The following AGPAT3 variants were observed in gnomAD, a reference collection of about 807,000 sequenced individuals.
AGPAT3 encodes 1-acyl-sn-glycerol-3-phosphate acyltransferase gamma.
In AGPAT3, 5 loss-of-function variants were observed where a neutral mutation model predicts 47.3. The observed-to-expected ratio is 0.11, with a 90% CI of 0.06 to 0.22. The LOEUF is 0.22. Among genes scored for constraint, AGPAT3 ranks in the 10% least tolerant of loss-of-function variants. The pLI, the probability that AGPAT3 is intolerant of heterozygous loss-of-function variation, is 1.00. For missense variants in AGPAT3, 315 were observed against 493.0 expected (o/e 0.64, Z 3.42); for synonymous variants, 212 against 208.3 (o/e 1.02, Z -0.15).
rs554576175 is a variant in AGPAT3 at position 43,960,183 on chromosome 21, T to C, written c.178+324T>C. ...TACCAAGCTCCAACAGCTCCCTACA[T>C]GGCCCCTCGTGTGTCCTGCCCACAC... On this transcript the variant is annotated intron_variant, in intron 3 of 9. Transcript: ENST00000291572. 3.3e-5 allele frequency among the ~76,000 whole-genome samples: 5 copies of C among 152,324 alleles called. No homozygotes were observed. In the East Asian group the frequency reaches 7.7e-4, roughly 24 times the overall value.
At chr21:43,873,368 T>C (rs1434142459) in intron 1 of AGPAT3, among the ~76,000 whole-genome samples, 1 of 152,110 alleles carries the variant, frequency 6.6e-6, no homozygotes, top group Non-Finnish European at 1.5e-5. Context: ...GCACCTGACT[T>C]CATCAAGGTA....
At chr21:43,909,876 A>T (rs1288332418) in intron 2 of AGPAT3, among the ~76,000 whole-genome samples, 1 of 152,062 alleles carries the variant, frequency 6.6e-6, no homozygotes, top group African/African-American at 2.4e-5. Flanking sequence ...GTCTATCTGA[A>T]CGCTAGCCCG....
intron 2 of AGPAT3, among the ~76,000 whole-genome samples, chr21:43,914,342 CTTCT>C (rs1414515052): frequency 1.3e-5 from 2 of 152,108 alleles, no homozygotes; most frequent in Non-Finnish European, 2.9e-5. Flanking sequence ...GGACGTCTTC[CTTCT>C]TTATGTTCTG....
intron 1 of AGPAT3, among the ~76,000 whole-genome samples, chr21:43,865,969 C>G (rs982631901): frequency 6.6e-6 from 1 of 152,028 alleles, no homozygotes; most frequent in Non-Finnish European, 1.5e-5. Flanking sequence ...GCGTTTGCAC[C>G]GGGCGGGTCA....
chr21:43,968,098 C>T lies in AGPAT3; in HGVS notation c.331C>T (p.Arg111Cys), dbSNP rs960323901. Reference sequence around the variant, plus strand: ...CCTCTGTGGGTGGACCATGTGTGAGCGCTTCGGAGTGCTGGGGGTGAGCGG... The same window carrying T: ...CCTCTGTGGGTGGACCATGTGTGAGTGCTTCGGAGTGCTGGGGGTGAGCGG... ...DFLCGWTMCERFGVLGSSKVL... is the reference protein window; with the variant it reads ...DFLCGWTMCECFGVLGSSKVL... Residue 111 changes from arginine (R) to cysteine (C), a missense_variant, in exon 4 of 10, where the codon CGC (arginine) becomes TGC (cysteine). Transcript: ENST00000291572. 6.2e-7 allele frequency: 1 copy of T among 1,613,258 alleles called. No homozygotes were observed. The highest frequency in any genetic ancestry group is 1.1e-5 in the South Asian group (1 of 90,990).
Position 43,890,008 on chromosome 21 carries a change from C to T in AGPAT3, c.-111-13949C>T, listed in dbSNP as rs558387139. Among the ~76,000 whole-genome samples the T allele has an allele frequency of 1.4e-4, 21 of 148,856 alleles. No homozygotes were observed. The South Asian group carries it at 4.2e-3, about 30-fold the overall frequency. ...AAAATCTAACATTTTGGATCTGTGT[C>T]CCTAAAATATGACATTTTGGATCTG... On this transcript the variant is annotated intron_variant, in intron 1 of 9. Transcript: ENST00000291572.
rs1210981867 is a variant in AGPAT3 at position 43,952,679 on chromosome 21, C to T, written c.-48-6955C>T. On this transcript the variant is annotated intron_variant, in intron 2 of 9. Coordinates refer to ENST00000291572, the MANE Select transcript of AGPAT3 (RefSeq NM_020132.5). This position sits in a 1 kb window ranked among gnomAD's most constrained non-coding sequence, Gnocchi z 5.6. The stretch of plus-strand genomic sequence containing the variant: ...GTTGTTTAATGAAGACGCGCTGGCA[C>T]CAAGCTTCTGGGCGACCTAAACCTG... Among the ~76,000 whole-genome samples the T allele has an allele frequency of 6.6e-6, 1 of 152,034 alleles. No individual in the cohort carries two copies. Among genetic ancestry groups the T allele is most frequent in the African/African-American group, 2.4e-5 (1 of 41,404 alleles).
At chr21:43,980,778 T>C (rs1037001383) in intron 8 of AGPAT3, among the ~76,000 whole-genome samples, 30 of 152,220 alleles carry the variant, frequency 2.0e-4, no homozygotes, top group Admixed American at 2.6e-4. Context: ...AGGGTTGATA[T>C]GCTTGCGAGC....
chr21:43,970,864 TC>T lies in AGPAT3; in HGVS notation c.664+59del. ...GCTATGCTCACGGAAAATAGTGATTTCTTTAAAAAAAAAAAAAATGAGTGCA... is the reference window on the plus strand; with the variant it reads ...GCTATGCTCACGGAAAATAGTGATTTTTTAAAAAAAAAAAAAATGAGTGCA... On this transcript the variant is annotated intron_variant, in intron 6 of 9. Transcript: ENST00000291572. The surrounding 1 kb of genome is among the most constrained non-coding windows in gnomAD (Gnocchi z 5.8). 1 of 1,405,088 alleles carries T rather than the reference TC, an allele frequency of 7.1e-7. No individual in the cohort carries two copies. Among genetic ancestry groups the T allele is most frequent in the South Asian group, 1.6e-5 (1 of 61,726 alleles). 87.0% of individuals were successfully genotyped at this position (1,405,088 alleles called of 1,614,324 possible).
intron 2 of AGPAT3, among the ~76,000 whole-genome samples, chr21:43,957,621 TCC>T (rs1202064865): frequency 1.5e-5 from 2 of 131,102 alleles, no homozygotes; most frequent in South Asian, 2.5e-4. Context: ...GTCTCGGGTT[TCC>T]CCCTGCACAC....
intron 1 of AGPAT3, among the ~76,000 whole-genome samples, chr21:43,898,672 A>G (rs1281802055): frequency 6.6e-6 from 1 of 152,040 alleles, no homozygotes; most frequent in African/African-American, 2.4e-5. Context: ...GATTACAGGC[A>G]CCCACCATCA....
At chr21:43,889,097 G>A (rs1319750343) in intron 1 of AGPAT3, among the ~76,000 whole-genome samples, 1 of 152,066 alleles carries the variant, frequency 6.6e-6, no homozygotes, top group Non-Finnish European at 1.5e-5. Context: ...GCACAGTCAT[G>A]TCATCTGTGA....
At chr21:43,865,557 G>C (rs554554872) in intron 1 of AGPAT3, among the ~76,000 whole-genome samples, 1,833 of 149,224 alleles carry the variant, frequency 0.012, 15 homozygotes, top group Non-Finnish European at 0.019. Flanking sequence ...GTCTGGGCCC[G>C]GGTCCTGTGC....
chr21:43,959,772 G>A lies in AGPAT3; in HGVS notation c.91G>A (p.Val31Ile), dbSNP rs142811396. 1,002 of 1,613,668 alleles carry A rather than the reference G, an allele frequency of 6.2e-4. No homozygotes were observed. Among genetic ancestry groups the A allele is most frequent in the Non-Finnish European group, 7.9e-4 (933 of 1,179,936 alleles). ...GGTGAGTGGTCTGGTCATCAACTTCGTCCAGCTGTGCACGCTGGCGCTCTG... is the reference window on the plus strand; with the variant it reads ...GGTGAGTGGTCTGGTCATCAACTTCATCCAGCTGTGCACGCTGGCGCTCTG... ...FVVSGLVINF[V>I]QLCTLALWPV... Residue 31 changes from valine to isoleucine, a missense_variant, in exon 3 of 10, where the codon GTC becomes ATC. Coordinates refer to ENST00000291572, the MANE Select transcript of AGPAT3 (RefSeq NM_020132.5).
intron 1 of AGPAT3, among the ~76,000 whole-genome samples, chr21:43,895,434 A>G (rs751500425): frequency 4.0e-5 from 6 of 151,500 alleles, no homozygotes; most frequent in Admixed American, 1.3e-4. Context: ...ACAATGTTCT[A>G]ATGCAGTCCA....
chr21:43,925,035 G>T (rs1163390513), intron 2 of AGPAT3: 1 of 152,298 alleles, frequency 6.6e-6, no homozygotes, highest in Non-Finnish European at 1.5e-5. Context: ...TCGACTTCTG[G>T]CTTGGCCTCT....
At chr21:43,923,919 C>A (rs2086972207) in intron 2 of AGPAT3, among the ~76,000 whole-genome samples, 1 of 152,170 alleles carries the variant, frequency 6.6e-6, no homozygotes, top group Admixed American at 6.5e-5. Context: ...CTGGGGAGTG[C>A]TGTCGAGGGC....
intron 1 of AGPAT3, among the ~76,000 whole-genome samples, chr21:43,885,781 G>A (rs934331041): frequency 6.6e-6 from 1 of 152,188 alleles, no homozygotes; most frequent in Non-Finnish European, 1.5e-5. Flanking sequence ...TGGAGTATAC[G>A]GCCGGGGTTT....
At chr21:43,878,377 G>A (rs1414457524) in intron 1 of AGPAT3, among the ~76,000 whole-genome samples, 1 of 152,188 alleles carries the variant, frequency 6.6e-6, no homozygotes, top group Non-Finnish European at 1.5e-5. Flanking sequence ...CGGCCTGCCC[G>A]CTTCAGTTCA....
Sources: allele counts gnomAD v4.1 joint callset (sites outside exome capture counted in the v4.1 genomes callset), GRCh38; gene constraint gnomAD v4.1.1; non-coding constraint Gnocchi (gnomAD v3.1); transcripts MANE v1.5; gene names NCBI Gene and HGNC (gene_info 2026-07-23, HGNC 2026-07-21).